THBS4: variants seen among roughly 807,000 people sequenced by gnomAD.
The protein encoded by THBS4 is thrombospondin 4, also known as thrombospondin-4.
THBS4 carries 90 observed loss-of-function variants against 115.7 expected under a neutral mutation model. The ratio of observed to expected loss-of-function variants is 0.78; its 90% CI spans 0.66 to 0.93. The LOEUF is 0.93. Among genes scored for constraint, THBS4 ranks in the 40% least tolerant of loss-of-function variants. The pLI, the probability that THBS4 is intolerant of heterozygous loss-of-function variation, is 0.00. For missense variants in THBS4, 1,087 were observed against 1,232.7 expected (o/e 0.88, Z 1.77); for synonymous variants, 460 against 479.3 (o/e 0.96, Z 0.53).
At chr5:80,072,475 A>AT in intron 14 of THBS4, 79 bp downstream of exon 14, 1 of 1,314,798 alleles carries the variant, frequency 7.6e-7, no homozygotes, top group Non-Finnish European at 1.1e-6. Context: ...GTGTCTAGAA[A>AT]AACAGCAGAG....
upstream of THBS4, chr5:80,033,370 C>T (rs1832622470): frequency 5.8e-6 from 1 of 173,290 alleles, no homozygotes; most frequent in African/African-American, 2.4e-5. Flanking sequence ...GAAATGATTA[C>T]ATATATAGTA....
exon 1 of THBS4, chr5:79,991,355 A>G: frequency 1.1e-6 from 1 of 922,606 alleles, no homozygotes; most frequent in Non-Finnish European, 1.6e-6. Context: ...TTGAGAGATG[A>G]GAGAAACAAC....
upstream of THBS4, among the ~76,000 whole-genome samples, chr5:80,032,388 A>G (rs1832602851): frequency 6.6e-6 from 1 of 152,128 alleles, no homozygotes; most frequent in South Asian, 2.1e-4. Flanking sequence ...GTGTGCCTAT[A>G]TGTGTGTATT....
At chr5:79,994,754 C>T (rs1831757377) in intron 1 of THBS4, among the ~76,000 whole-genome samples, 2 of 152,098 alleles carry the variant, frequency 1.3e-5, no homozygotes, top group Non-Finnish European at 2.9e-5. Flanking sequence ...TGCAGTGAGC[C>T]GTGATTGTGC....
intron 2 of THBS4, among the ~76,000 whole-genome samples, chr5:80,006,044 C>T (rs901586583): frequency 1.3e-5 from 2 of 152,142 alleles, no homozygotes; most frequent in East Asian, 1.9e-4. Flanking sequence ...GGATTACAAA[C>T]GTGAACCACC....
At chr5:80,009,942 A>G (rs1356237142) in intron 2 of THBS4, among the ~76,000 whole-genome samples, 2 of 152,072 alleles carry the variant, frequency 1.3e-5, no homozygotes, top group African/African-American at 4.8e-5. Flanking sequence ...AGACCAGCCC[A>G]GGCAACATAG....
Position 80,059,426 on chromosome 5 carries a change from T to A in THBS4, c.733-14T>A, listed in dbSNP as rs749338417. The A allele has an allele frequency of 1.2e-6, 2 of 1,613,390 alleles. No individual in the cohort carries two copies. Among genetic ancestry groups the A allele is most frequent in the Non-Finnish European group, 1.7e-6 (2 of 1,179,548 alleles). The stretch of plus-strand genomic sequence containing the variant: ...TTCCTTTTCAATCCTTTTTTCCCCT[T>A]CTCATTTTTAAAGGTTAAGGAAACA... On this transcript the variant is annotated splice_polypyrimidine_tract_variant and intron_variant, in intron 5 of 21. Transcript: ENST00000350881.
chr5:80,058,337 C>G (rs1336493587), intron 4 of THBS4, 23 bp downstream of exon 4: 2 of 1,515,896 alleles, frequency 1.3e-6, no homozygotes, highest in South Asian at 2.4e-5. Context: ...GGGCAGTTTG[C>G]ATGCCTTCAT....
At chr5:80,073,145 A>T in intron 14 of THBS4, 130 bp from the exon 15 acceptor site, 1 of 856,504 alleles carries the variant, frequency 1.2e-6, no homozygotes, top group Non-Finnish European at 1.9e-6. Context: ...GTCCTTTTGC[A>T]GTTTTGCACC....
Position 80,058,799 on chromosome 5 carries a change from C to A in THBS4, c.732+9C>A, listed in dbSNP as rs771996684. ...ACCTTCTGAGACAGCAGGTAACAAG[C>A]GGGACATATCATCAGAAAAGCCCTC... is the stretch of plus-strand genomic sequence containing the variant. On this transcript the variant is annotated intron_variant, in intron 5 of 21. Coordinates refer to ENST00000350881, the MANE Select transcript of THBS4 (RefSeq NM_003248.6). 17 of 1,611,460 alleles carry A rather than the reference C, an allele frequency of 1.1e-5. No individual in the cohort carries two copies. The Admixed American group carries it at 2.3e-4, about 22-fold the overall frequency.
chr5:80,071,204 T>C lies in THBS4; in HGVS notation c.1720+24T>C, dbSNP rs755261439. 4.5e-6 allele frequency: 7 copies of C among 1,559,626 alleles called. 1 individual carries two copies. The highest frequency in any genetic ancestry group is 3.7e-5 in the South Asian group (3 of 81,700). ...TGGTAGATTTATCTTGCTTTTGTCT[T>C]TTATTTGGAATTCAGTTGACCTTGT... On this transcript the variant is annotated intron_variant, in intron 13 of 21. Transcript: ENST00000350881.
At chr5:79,999,981 A>G (rs547540438) in intron 2 of THBS4, among the ~76,000 whole-genome samples, 68 of 152,204 alleles carry the variant, frequency 4.5e-4, no homozygotes, top group Non-Finnish European at 8.8e-4. Context: ...TATTGTTCAT[A>G]GCTTTTGGAA....
At chr5:80,030,005 A>C (rs1287960144) in intron 2 of THBS4, among the ~76,000 whole-genome samples, 1 of 152,114 alleles carries the variant, frequency 6.6e-6, no homozygotes, top group African/African-American at 2.4e-5. Context: ...TGAATTGCAC[A>C]CTAATCAAAA....
At chr5:80,004,300 AT>A (rs1831970705) in intron 2 of THBS4, among the ~76,000 whole-genome samples, 1 of 152,238 alleles carries the variant, frequency 6.6e-6, no homozygotes, top group African/African-American at 2.4e-5. Flanking sequence ...TATTGTTCAG[AT>A]TCTGTGAGTG....
chr5:80,073,494 C>G (rs559494611), intron 15 of THBS4, among the ~76,000 whole-genome samples, 167 bp downstream of exon 15: 33 of 151,842 alleles, frequency 2.2e-4, no homozygotes, highest in Non-Finnish European at 3.7e-4. Context: ...TGCCATTCTT[C>G]TGCCTCAGCC....
chr5:80,078,725 T>A, intron 17 of THBS4, 196 bp from the exon 18 acceptor site: 1 of 487,840 alleles, frequency 2.0e-6, no homozygotes, highest in East Asian at 3.2e-5. Flanking sequence ...AGCTTTGAGC[T>A]TTTTTTTAAC....
chr5:80,045,748 C>A (rs2112050556), intron 2 of THBS4, among the ~76,000 whole-genome samples: 1 of 152,188 alleles, frequency 6.6e-6, no homozygotes, highest in Middle Eastern at 3.4e-3. Context: ...TCAGGCTGAT[C>A]TCAAACTCGC....
intron 2 of THBS4, among the ~76,000 whole-genome samples, chr5:80,019,041 G>GT (rs537532061): frequency 0.26 from 35,685 of 134,872 alleles, 5,058 homozygotes; most frequent in African/African-American, 0.41. Flanking sequence ...CTCTGTGATT[G>GT]TTTTTTTTTT....
rs116328224 is a variant in THBS4 at position 80,029,414 on chromosome 5, A to C, written n.178-10663A>C. Among the ~76,000 whole-genome samples the C allele has an allele frequency of 3.5e-3, 529 of 152,272 alleles. 8 individuals carry two copies. The highest frequency in any genetic ancestry group is 3.4e-3 in the Non-Finnish European group (234 of 68,022). On this transcript the variant is annotated intron_variant and non_coding_transcript_variant, in intron 2 of 3. Coordinates refer to the THBS4 transcript ENST00000510218. ...TTGTTATAAACTCTCTCTGGACTTC[A>C]AGTTTGGTATATACATAATTATTAA...
Sources: allele counts gnomAD v4.1 joint callset (sites outside exome capture counted in the v4.1 genomes callset), GRCh38; gene constraint gnomAD v4.1.1; transcripts MANE v1.5; gene names NCBI Gene and HGNC (gene_info 2026-07-23, HGNC 2026-07-21).